SSBP4: variants seen among roughly 807,000 people sequenced by gnomAD.
SSBP4 encodes single-stranded DNA-binding protein 4.
In SSBP4, 33 loss-of-function variants were observed where a neutral mutation model predicts 64.6. The ratio of observed to expected loss-of-function variants is 0.51; its 90% CI spans 0.39 to 0.68. The LOEUF is 0.68. Ranked by LOEUF, SSBP4 falls within the 30% of genes least tolerant of loss-of-function variation. The pLI, the probability that SSBP4 is intolerant of heterozygous loss-of-function variation, is 0.00. For missense variants in SSBP4, 583 were observed against 566.8 expected, an observed-to-expected ratio of 1.03 and a Z score of -0.29; for synonymous variants, 243 against 224.0, an observed-to-expected ratio of 1.08 and a Z score of -0.76.
At position 18,426,771 on chromosome 19, in the gene SSBP4, C is replaced by T. The variant is rs1287198412; in HGVS notation, c.60-580C>T. ...GCACTGCAGGCCCTACCTCCCCTGG[C>T]CCCCCACCTCCATTCCCCAGACATT... On this transcript the variant is annotated intron_variant, in intron 1 of 17. Transcript: ENST00000270061. The surrounding 1 kb of genome is among the most constrained non-coding windows in gnomAD (Gnocchi z 4.5). Among the ~76,000 whole-genome samples, 2 of 152,160 alleles carry T rather than the reference C, an allele frequency of 1.3e-5. No homozygotes were observed. The highest frequency in any genetic ancestry group is 4.8e-5 in the African/African-American group (2 of 41,420).
At chr19:18,429,568 A>AG (rs1973175059) in intron 4 of SSBP4, among the ~76,000 whole-genome samples, 1 of 150,828 alleles carries the variant, frequency 6.6e-6, no homozygotes, top group South Asian at 2.1e-4. Context: ...GGACAGACAC[A>AG]GGGCTCAAAG....
At chr19:18,433,438 C>T (rs1973658510) in intron 15 of SSBP4, 147 bp from the exon 16 acceptor site, 2 of 1,409,884 alleles carry the variant, frequency 1.4e-6, no homozygotes, top group Non-Finnish European at 1.9e-6. Flanking sequence ...AACCCTCCAC[C>T]TGGCCTCAGT....
chr19:18,417,704 T>C (rs928896737), upstream of SSBP4, among the ~76,000 whole-genome samples: 5 of 151,904 alleles, frequency 3.3e-5, no homozygotes, highest in Non-Finnish European at 5.9e-5. This position sits in a 1 kb window ranked among gnomAD's most constrained non-coding sequence, Gnocchi z 5.4. Context: ...GAGAGGAAGC[T>C]GGGGGAAGGG....
intron 1 of SSBP4, among the ~76,000 whole-genome samples, chr19:18,422,083 C>T (rs1229471460): frequency 6.6e-6 from 1 of 152,118 alleles, no homozygotes; most frequent in Non-Finnish European, 1.5e-5. Flanking sequence ...ATCGCTTGAA[C>T]CTAGGAGGTA....
At chr19:18,415,350 A>T (rs555730053), upstream of SSBP4, among the ~76,000 whole-genome samples, 45 of 151,902 alleles carry the variant, frequency 3.0e-4, no homozygotes, top group Non-Finnish European at 6.0e-4. Context: ...CCACCTATGG[A>T]GAAGAAAAAC....
Position 18,427,772 on chromosome 19 carries a change from C to G in SSBP4, c.153C>G (p.Ile51Met), listed in dbSNP as rs1339321448. The G allele has an allele frequency of 6.2e-7, 1 of 1,601,980 alleles. No individual in the cohort carries two copies. Among genetic ancestry groups the G allele is most frequent in the Non-Finnish European group, 8.5e-7 (1 of 1,170,858 alleles). ...FLSEIRWEKNITLGEPPGFLH... is the reference protein window; with the variant it reads ...FLSEIRWEKNMTLGEPPGFLH... ...TGCAGATCCGATGGGAGAAGAACATCACGCTGGGGGAGCCCCCTGGGTTCC... is the reference window on the plus strand; with the variant it reads ...TGCAGATCCGATGGGAGAAGAACATGACGCTGGGGGAGCCCCCTGGGTTCC... Residue 51 changes from isoleucine (I) to methionine (M), a missense_variant, in exon 3 of 18, where the codon ATC (isoleucine) becomes ATG (methionine). Transcript: ENST00000270061. The surrounding 1 kb of genome is among the most constrained non-coding windows in gnomAD (Gnocchi z 4.4).
upstream of SSBP4, among the ~76,000 whole-genome samples, chr19:18,417,795 G>A (rs1271870450): frequency 6.6e-6 from 1 of 152,104 alleles, no homozygotes; most frequent in Non-Finnish European, 1.5e-5. This position sits in a 1 kb window ranked among gnomAD's most constrained non-coding sequence, Gnocchi z 5.4. Flanking sequence ...GCGGGGCTGG[G>A]GCCGGTCCTG....
At chr19:18,431,451 A>C (rs1205754412) in intron 6 of SSBP4, 33 bp downstream of exon 6, 1 of 1,238,002 alleles carries the variant, frequency 8.1e-7, no homozygotes, top group East Asian at 2.5e-5. Context: ...CCTCACACAC[A>C]CACATCCCCT....
chr19:18,422,706 G>A (rs1972545605), intron 1 of SSBP4, among the ~76,000 whole-genome samples: 1 of 152,222 alleles, frequency 6.6e-6, no homozygotes, highest in South Asian at 2.1e-4. Context: ...CCCGTAGGCA[G>A]AGCACCTGCC....
chr19:18,405,393 G>C, the SSBP4 span, among the ~76,000 whole-genome samples: 1 of 152,018 alleles, frequency 6.6e-6, no homozygotes, highest in East Asian at 1.9e-4. Context: ...AGGCGTGATG[G>C]CTCATGCCTG....
chr19:18,408,834 G>A, the SSBP4 span, among the ~76,000 whole-genome samples: 1 of 151,602 alleles, frequency 6.6e-6, no homozygotes, highest in African/African-American at 2.4e-5. Flanking sequence ...GTTTTTTTGA[G>A]ACAAGGTCTC....
chr19:18,432,514 C>A, intron 10 of SSBP4, 45 bp from the exon 11 acceptor site: 2 of 1,535,398 alleles, frequency 1.3e-6, no homozygotes, highest in Non-Finnish European at 8.8e-7. Context: ...GGGCTGTGAT[C>A]CACATGGACT....
intron 1 of SSBP4, chr19:18,425,930 C>G (rs1228636605): frequency 6.6e-6 from 1 of 152,434 alleles, no homozygotes; most frequent in African/African-American, 2.4e-5. Flanking sequence ...CTCTGTCTCT[C>G]CCCTCAAGAA....
chr19:18,418,248 C>G (rs1194238145), upstream of SSBP4, among the ~76,000 whole-genome samples: 1 of 152,170 alleles, frequency 6.6e-6, no homozygotes, highest in Non-Finnish European at 1.5e-5. This position sits in a 1 kb window ranked among gnomAD's most constrained non-coding sequence, Gnocchi z 6.7. Flanking sequence ...CACACGCGGG[C>G]TTGCCTAGGA....
chr19:18,408,780 C>T, the SSBP4 span, among the ~76,000 whole-genome samples: 4 of 151,974 alleles, frequency 2.6e-5, no homozygotes, highest in Non-Finnish European at 4.4e-5. Context: ...CGTGAGCCAC[C>T]GCACGCGGCC....
At chr19:18,416,421 C>T (rs183423809), upstream of SSBP4, among the ~76,000 whole-genome samples, 1,365 of 152,308 alleles carry the variant, frequency 9.0e-3, 12 homozygotes, top group Non-Finnish European at 0.015. Context: ...AAGCCATCAT[C>T]CTGTCTCGGC....
Position 18,427,666 on chromosome 19 carries a change from C to A in SSBP4, c.133-86C>A. ...TTACCCTTCCCTCCCCACTCCCTCCCTGCCCAGATGTTCTCTGGGCACCCT... is the reference window on the plus strand; with the variant it reads ...TTACCCTTCCCTCCCCACTCCCTCCATGCCCAGATGTTCTCTGGGCACCCT... On this transcript the variant is annotated intron_variant, in intron 2 of 17. Transcript: ENST00000270061. This position sits in a 1 kb window ranked among gnomAD's most constrained non-coding sequence, Gnocchi z 4.4. 1 of 1,462,554 alleles carries A rather than the reference C, an allele frequency of 6.8e-7. No homozygotes were observed. Among genetic ancestry groups the A allele is most frequent in the East Asian group, 2.3e-5 (1 of 43,056 alleles). 90.6% of individuals were successfully genotyped at this position (1,462,554 alleles called of 1,614,324 possible). A position where few individuals can be genotyped will look rare whatever the true frequency, so the allele number is the denominator to read the frequency against.
At chr19:18,433,068 T>G (rs1378504400) in intron 14 of SSBP4, 25 bp downstream of exon 14, 1 of 1,613,900 alleles carries the variant, frequency 6.2e-7, no homozygotes, top group Non-Finnish European at 8.5e-7. Flanking sequence ...GCAGGGGTGC[T>G]TCTCGAGGCG....
chr19:18,410,715 C>T, the SSBP4 span, among the ~76,000 whole-genome samples: 22 of 151,872 alleles, frequency 1.4e-4, no homozygotes, highest in Non-Finnish European at 2.9e-4. Flanking sequence ...CTCAGGGAGG[C>T]CTCAAGGGGA....
Sources: gnomAD v4.1 joint callset for allele counts (sites outside exome capture counted in the v4.1 genomes callset) on GRCh38, gnomAD v4.1.1 for gene constraint, Gnocchi (gnomAD v3.1) non-coding constraint, MANE v1.5 for transcripts, NCBI Gene and HGNC (gene_info 2026-07-23, HGNC 2026-07-21) for gene names.